ADAM18: variants seen among roughly 807,000 people sequenced by gnomAD.
The protein encoded by ADAM18 is ADAM metallopeptidase domain 18.
ADAM18 carries 117 observed loss-of-function variants against 94.4 expected under a neutral mutation model. The ratio of observed to expected loss-of-function variants is 1.24; its 90% CI spans 1.07 to 1.45. ADAM18 has a LOEUF of 1.45. Among genes scored for constraint, ADAM18 ranks in the 40% most tolerant of loss-of-function variants. The pLI is 0.00. For synonymous variants in ADAM18, 327 were observed against 291.6 expected, an observed-to-expected ratio of 1.12 and a Z score of -1.24; for missense variants, 936 against 880.0, an observed-to-expected ratio of 1.06 and a Z score of -0.81.
Position 39,637,598 on chromosome 8 carries a change from A to G in ADAM18, c.722A>G (p.Asn241Ser). ...TCCTTGGAATTGTGGTCAAATGAAA[A>G]CCAGATTTCCACCAGTGGGGATGCT... is the stretch of plus-strand genomic sequence containing the variant. ...LSSLELWSNE[N>S]QISTSGDADD... The change falls in exon 9 of 20, where the codon AAC becomes AGC. Residue 241 changes from asparagine (N) to serine (S), a missense_variant. Coordinates refer to ENST00000265707, the MANE Select transcript of ADAM18 (RefSeq NM_014237.3). The G allele has an allele frequency of 6.2e-7, 1 of 1,612,872 alleles. No individual in the cohort carries two copies. Among genetic ancestry groups the G allele is most frequent in the Non-Finnish European group, 8.5e-7 (1 of 1,179,374 alleles).
At chr8:39,715,596 A>G (rs752660185) in intron 18 of ADAM18, among the ~76,000 whole-genome samples, 20 of 152,024 alleles carry the variant, frequency 1.3e-4, no homozygotes, top group Non-Finnish European at 2.4e-4. Context: ...ACTTATTAGT[A>G]TGAAAATGAA....
At chr8:39,611,995 A>T (rs570192306) in intron 6 of ADAM18, among the ~76,000 whole-genome samples, 1 of 152,328 alleles carries the variant, frequency 6.6e-6, no homozygotes, top group East Asian at 1.9e-4. Flanking sequence ...AGACATGAAA[A>T]AAATGAAGAA....
Position 39,608,833 on chromosome 8 carries a change from C to T in ADAM18, c.189-209C>T, listed in dbSNP as rs561280194. Among the ~76,000 whole-genome samples the T allele has an allele frequency of 7.9e-5, 12 of 152,212 alleles. 1 individual carries two copies. The South Asian group carries it at 2.5e-3, about 32-fold the overall frequency. ...ATACATATGTCTGATGCAGAGGAAT[C>T]CCAGAGTCTGTCCCAGTGCTAAGTC... On this transcript the variant is annotated intron_variant, in intron 3 of 19. Transcript: ENST00000265707.
intron 18 of ADAM18, among the ~76,000 whole-genome samples, chr8:39,721,361 G>A (rs761956791): frequency 1.3e-5 from 2 of 151,482 alleles, no homozygotes; most frequent in Admixed American, 6.6e-5. Context: ...AATAATTTAT[G>A]ACTCAAAGAC....
chr8:39,697,669 A>G (rs1161367872), intron 17 of ADAM18, among the ~76,000 whole-genome samples: 1 of 151,588 alleles, frequency 6.6e-6, no homozygotes, highest in African/African-American at 2.4e-5. Context: ...TCTGTTAAAA[A>G]TTTTCCTCAG....
intron 6 of ADAM18, among the ~76,000 whole-genome samples, chr8:39,614,104 T>C (rs1317078000): frequency 1.3e-5 from 2 of 152,110 alleles, no homozygotes; most frequent in Non-Finnish European, 2.9e-5. Context: ...AAGGTTATCA[T>C]CCAAATTTAG....
intron 6 of ADAM18, among the ~76,000 whole-genome samples, chr8:39,625,579 T>G (rs544477891): frequency 6.6e-6 from 1 of 152,306 alleles, no homozygotes; most frequent in South Asian, 2.1e-4. Flanking sequence ...CTATGTTGAA[T>G]AGAAGTAGTG....
At chr8:39,709,560 C>G (rs957632235) in intron 18 of ADAM18, among the ~76,000 whole-genome samples, 1 of 152,196 alleles carries the variant, frequency 6.6e-6, no homozygotes, top group Non-Finnish European at 1.5e-5. Flanking sequence ...TTCTCTGCCT[C>G]CCATCTCTGT....
At chr8:39,708,517 A>T (rs1822303304) in intron 18 of ADAM18, among the ~76,000 whole-genome samples, 1 of 152,222 alleles carries the variant, frequency 6.6e-6, no homozygotes, top group Non-Finnish European at 1.5e-5. Flanking sequence ...TTAAGAAAGG[A>T]TAGTAAAATC....
intron 6 of ADAM18, among the ~76,000 whole-genome samples, chr8:39,616,519 A>C (rs1312220790): frequency 6.6e-6 from 1 of 152,218 alleles, no homozygotes; most frequent in Non-Finnish European, 1.5e-5. Flanking sequence ...AGACAAAACT[A>C]TTCTAAAATT....
chr8:39,695,600 C>T (rs1390526172), intron 17 of ADAM18, among the ~76,000 whole-genome samples: 1 of 151,118 alleles, frequency 6.6e-6, no homozygotes, highest in Non-Finnish European at 1.5e-5. Context: ...ATCCCCTTCC[C>T]CTAGCCCCTG....
intron 12 of ADAM18, among the ~76,000 whole-genome samples, chr8:39,653,256 G>C (rs978766746): frequency 6.6e-6 from 1 of 151,840 alleles, no homozygotes; most frequent in African/African-American, 2.4e-5. Context: ...ACATCATGCT[G>C]TACATCATTA....
At chr8:39,653,325 A>G (rs1396080927) in intron 12 of ADAM18, among the ~76,000 whole-genome samples, 1 of 152,208 alleles carries the variant, frequency 6.6e-6, no homozygotes, top group Non-Finnish European at 1.5e-5. Flanking sequence ...AAAAACAACA[A>G]TAATGGTCAT....
Position 39,609,555 on chromosome 8 carries a change from G to A in ADAM18, c.338G>A (p.Gly113Asp). 6.2e-7 allele frequency: 1 copy of A among 1,605,734 alleles called. No homozygotes were observed. ...NSFVTLSICS[G>D]LRGFLQFENI... ...TTTGTGACACTCAGTATATGTTCTGGTCTCAGGTAATAGCACCTTATAAGA... is the reference window on the plus strand; with the variant it reads ...TTTGTGACACTCAGTATATGTTCTGATCTCAGGTAATAGCACCTTATAAGA... The change falls in exon 5 of 20, where the codon GGT becomes GAT. Residue 113 changes from glycine to aspartate, a missense_variant. By Grantham distance (94) the Gly-to-Asp change is moderately conservative (BLOSUM62 -1). Transcript: ENST00000265707.
chr8:39,688,911 G>A (rs760930441), intron 16 of ADAM18, among the ~76,000 whole-genome samples: 14 of 152,134 alleles, frequency 9.2e-5, no homozygotes, highest in Non-Finnish European at 1.2e-4. Context: ...CTTTCTGACT[G>A]GTATGAGATG....
chr8:39,669,620 C>T lies in ADAM18; in HGVS notation c.1525+1424C>T, dbSNP rs550691567. Among the ~76,000 whole-genome samples the T allele has an allele frequency of 5.2e-3, 790 of 151,770 alleles. 2 individuals carry two copies. Among genetic ancestry groups the T allele is most frequent in the African/African-American group, 7.2e-3 (297 of 41,370 alleles). ...GAGAATGATGGTTTCCAGTTTCATC[C>T]GTGTCCCTACAAAGGACATGAACTC... On this transcript the variant is annotated intron_variant, in intron 14 of 19. Transcript: ENST00000265707.
chr8:39,610,566 G>C lies in ADAM18; in HGVS notation c.382G>C (p.Glu128Gln). 4 of 1,610,720 alleles carry C rather than the reference G, an allele frequency of 2.5e-6. No homozygotes were observed. Among genetic ancestry groups the C allele is most frequent in the Non-Finnish European group, 3.4e-6 (4 of 1,178,142 alleles). ...GTTTGAAAATATCAGTTATGGAATT[G>C]AACCAGTAGAATCTTCAGCAAGATT... ...LQFENISYGIEPVESSARFEH... is the reference protein window; with the variant it reads ...LQFENISYGIQPVESSARFEH... The change falls in exon 6 of 20, where the codon GAA (glutamate) becomes CAA (glutamine). Residue 128 changes from glutamate to glutamine, a missense_variant. Physicochemically the swap from Glu to Gln is conservative, Grantham distance 29. Transcript: ENST00000265707.
chr8:39,638,267 TA>T (rs36068250), intron 9 of ADAM18, among the ~76,000 whole-genome samples, 197 bp from the exon 10 acceptor site: 44,405 of 151,578 alleles, frequency 0.29, 7,791 homozygotes, highest in Non-Finnish European at 0.39. Context: ...GTGAATTGAT[TA>T]AAGTCAATGA....
intron 18 of ADAM18, among the ~76,000 whole-genome samples, chr8:39,712,603 T>C (rs1423532920): frequency 6.6e-6 from 1 of 152,174 alleles, no homozygotes; most frequent in Non-Finnish European, 1.5e-5. Flanking sequence ...AGTCTCAGGA[T>C]ACAAAATCAA....
Sources: allele counts gnomAD v4.1 joint callset (sites outside exome capture counted in the v4.1 genomes callset), GRCh38; gene constraint gnomAD v4.1.1; transcripts MANE v1.5; gene names NCBI Gene and HGNC (gene_info 2026-07-23, HGNC 2026-07-21).